The following PDE4D variants were observed in gnomAD, a reference collection of about 807,000 sequenced individuals.
PDE4D encodes the protein phosphodiesterase 4D, also known as 3',5'-cyclic-AMP phosphodiesterase 4D.
PDE4D carries 24 observed loss-of-function variants against 87.4 expected under a neutral mutation model. The observed-to-expected ratio is 0.27, with a 90% CI of 0.20 to 0.39. The LOEUF (loss-of-function observed/expected upper bound fraction) is 0.39. Among genes scored for constraint, PDE4D ranks in the 10% least tolerant of loss-of-function variants. PDE4D has a pLI of 1.00. For missense variants in PDE4D, 714 were observed against 1,041.0 expected (o/e 0.69, Z 4.32); for synonymous variants, 384 against 383.2 (o/e 1.00, Z -0.02).
At chr5:59,115,551 A>G (rs995943555) in intron 5 of PDE4D, among the ~76,000 whole-genome samples, 6 of 152,200 alleles carry the variant, frequency 3.9e-5, no homozygotes, top group Admixed American at 6.5e-5. Flanking sequence ...ATGAACATAC[A>G]TTTCTCTGGC....
chr5:60,052,758 T>G (rs1470578374), intron 2 of PDE4D, among the ~76,000 whole-genome samples: 3 of 152,204 alleles, frequency 2.0e-5, no homozygotes, highest in Non-Finnish European at 4.4e-5. Flanking sequence ...TGTCTCTGTT[T>G]GCAGATGACA....
Position 59,530,375 on chromosome 5 carries a change from G to C in PDE4D, c.456-314407C>G, listed in dbSNP as rs150573576. On this transcript the variant is annotated intron_variant, in intron 1 of 14. Transcript: ENST00000340635. The stretch of plus-strand genomic sequence containing the variant: ...ATTACAGTGGTCCCTCAGGATCTTT[G>C]GGGATTGGTTCCAGGTCTTCAGGCA... Among the ~76,000 whole-genome samples, 44 of 152,166 alleles carry C rather than the reference G, an allele frequency of 2.9e-4. No homozygotes were observed. In the East Asian group the frequency reaches 7.3e-3, roughly 25 times the overall value.
At chr5:59,246,918 T>C (rs1362974704) in intron 1 of PDE4D, among the ~76,000 whole-genome samples, 1 of 145,894 alleles carries the variant, frequency 6.9e-6, no homozygotes, top group Non-Finnish European at 1.6e-5. Flanking sequence ...ACAGTGTGTG[T>C]GTGTATATGC....
intron 5 of PDE4D, among the ~76,000 whole-genome samples, chr5:59,054,480 G>C (rs181288710): frequency 1.3e-3 from 192 of 152,162 alleles, no homozygotes; most frequent in Non-Finnish European, 2.1e-3. Flanking sequence ...AGGTAGAGGA[G>C]AGCAGTGGAC....
At chr5:59,643,974 G>T (rs1742029976) in intron 1 of PDE4D, among the ~76,000 whole-genome samples, 1 of 152,148 alleles carries the variant, frequency 6.6e-6, no homozygotes, top group Admixed American at 6.5e-5. Flanking sequence ...TGCACTTCAA[G>T]AAGAGAAGTA....
intron 1 of PDE4D, among the ~76,000 whole-genome samples, chr5:59,590,946 A>C (rs970763895): frequency 2.0e-5 from 3 of 152,050 alleles, no homozygotes; most frequent in Non-Finnish European, 4.4e-5. Context: ...CTTTTCTCTC[A>C]TGGTTATAGG....
chr5:60,340,589 C>T (rs1758222193), intron 1 of PDE4D, among the ~76,000 whole-genome samples: 1 of 126,912 alleles, frequency 7.9e-6, no homozygotes, highest in African/African-American at 3.0e-5. Flanking sequence ...TGTCCCTTCA[C>T]AAAGCAGTCA....
At chr5:59,995,156 A>G (rs1442953044) in intron 2 of PDE4D, among the ~76,000 whole-genome samples, 3 of 152,068 alleles carry the variant, frequency 2.0e-5, no homozygotes, top group African/African-American at 7.2e-5. Context: ...AAAGATGTAG[A>G]TCACCCCATA....
chr5:59,677,223 G>A (rs968628133), intron 1 of PDE4D, among the ~76,000 whole-genome samples: 1 of 151,816 alleles, frequency 6.6e-6, no homozygotes, highest in African/African-American at 2.4e-5. Context: ...TGTACAGAAA[G>A]GCAAATGCTG....
At chr5:60,517,446 G>A (rs373675437) in intron 1 of PDE4D, among the ~76,000 whole-genome samples, 9 of 152,336 alleles carry the variant, frequency 5.9e-5, no homozygotes, top group South Asian at 4.1e-4. Context: ...GAGAACTTAC[G>A]CTGCCCACAG....
intron 1 of PDE4D, among the ~76,000 whole-genome samples, chr5:59,782,354 G>C (rs1764720915): frequency 6.6e-6 from 1 of 152,144 alleles, no homozygotes. Context: ...TTTTTAAACG[G>C]GAACTTGACA....
intron 3 of PDE4D, among the ~76,000 whole-genome samples, chr5:59,916,355 A>G (rs548475878): frequency 3.0e-4 from 46 of 152,348 alleles, no homozygotes; most frequent in African/African-American, 9.6e-4. Context: ...TGCCCTTGAC[A>G]TATTTTAACC....
chr5:59,339,721 C>T (rs933576464), intron 1 of PDE4D, among the ~76,000 whole-genome samples: 1 of 152,114 alleles, frequency 6.6e-6, no homozygotes, highest in Admixed American at 6.5e-5. Flanking sequence ...AGGAGCTGTG[C>T]GTCCTTGAGA....
At chr5:59,356,403 G>A (rs1781376953) in intron 1 of PDE4D, among the ~76,000 whole-genome samples, 5 of 152,106 alleles carry the variant, frequency 3.3e-5, no homozygotes, top group African/African-American at 1.2e-4. Context: ...GAATAATGTA[G>A]TGTTTTTTTT....
At chr5:59,114,039 T>C (rs1773138556) in intron 5 of PDE4D, among the ~76,000 whole-genome samples, 1 of 152,210 alleles carries the variant, frequency 6.6e-6, no homozygotes. Context: ...TCAATAGTCA[T>C]TTCTTAAGAA....
intron 2 of PDE4D, among the ~76,000 whole-genome samples, chr5:60,008,623 A>G (rs528133673): frequency 1.3e-5 from 2 of 152,110 alleles, no homozygotes; most frequent in Non-Finnish European, 2.9e-5. Flanking sequence ...GAAGCAACAT[A>G]AATTTACAGC....
rs182229396 is a variant in PDE4D, at chr5:60,313,721, G to A, written c.-89-128034C>T. ...GCAAACTATGTCCTGGATCGAACAG[G>A]ACATCAAAAAGCTAATTCAGCATGA... On this transcript the variant is annotated intron_variant, in intron 1 of 16. Coordinates refer to the PDE4D transcript ENST00000502484. 2.4e-4 allele frequency among the ~76,000 whole-genome samples: 36 copies of A among 151,702 alleles called. 1 individual carries two copies. Among genetic ancestry groups the A allele is most frequent in the Non-Finnish European group, 3.5e-4 (24 of 67,684 alleles).
At position 59,215,549 on chromosome 5, in the gene PDE4D, ATGCGTG is replaced by A. The variant is rs138045753; in HGVS notation, c.647+222_647+227del. The A allele has an allele frequency of 0.013, 5,451 of 419,674 alleles. 243 individuals carry two copies. Among genetic ancestry groups the A allele is most frequent in the African/African-American group, 0.12 (4,936 of 41,450 alleles). 26.0% of individuals were successfully genotyped at this position (419,674 alleles called of 1,614,324 possible). On this transcript the variant is annotated intron_variant, in intron 2 of 14. Coordinates refer to ENST00000340635, the MANE Select transcript of PDE4D (RefSeq NM_001104631.2). ...AAGTATTTTCTGGGAAAATAAATACATGCGTGTGTGTGTGTGTGTGTGTGTGTGTGT... is the reference window on the plus strand; with the variant it reads ...AAGTATTTTCTGGGAAAATAAATACATGTGTGTGTGTGTGTGTGTGTGTGT...
At chr5:59,913,132 T>G (rs1753633144) in intron 3 of PDE4D, among the ~76,000 whole-genome samples, 1 of 152,224 alleles carries the variant, frequency 6.6e-6, no homozygotes, top group Non-Finnish European at 1.5e-5. Context: ...AAGCCAGCAA[T>G]TTTCCAAGGG....
Sources: gnomAD v4.1 joint callset for allele counts (sites outside exome capture counted in the v4.1 genomes callset) on GRCh38, gnomAD v4.1.1 for gene constraint, MANE v1.5 for transcripts, NCBI Gene and HGNC (gene_info 2026-07-23, HGNC 2026-07-21) for gene names.